Variants in UGGT2 observed in about 807,000 individuals in gnomAD.
UGGT2 encodes UDP-glucose glycoprotein glucosyltransferase 2.
In UGGT2, 180 loss-of-function variants were observed where a neutral mutation model predicts 192.1. The observed-to-expected ratio is 0.94, with a 90% CI of 0.83 to 1.06. The LOEUF (loss-of-function observed/expected upper bound fraction) is 1.06. Among genes scored for constraint, UGGT2 ranks in the 50% least tolerant of loss-of-function variants. UGGT2 has a pLI of 0.00. For synonymous variants in UGGT2, 580 were observed against 591.0 expected (o/e 0.98, Z 0.27); for missense variants, 1,849 against 1,795.7 (o/e 1.03, Z -0.54).
At chr13:95,937,158 G>C in intron 16 of UGGT2, 70 bp from the exon 17 acceptor site, 1 of 1,468,962 alleles carries the variant, frequency 6.8e-7, no homozygotes, top group Non-Finnish European at 9.1e-7. Context: ...TAAGAAAATG[G>C]AACACCGCCA....
At chr13:95,954,329 G>A (rs960603910) in intron 12 of UGGT2, among the ~76,000 whole-genome samples, 2 of 152,134 alleles carry the variant, frequency 1.3e-5, no homozygotes, top group South Asian at 4.1e-4. Context: ...GCATTCCAAA[G>A]TTAACCTGAA....
At chr13:95,917,181 T>A (rs2048706391) in intron 20 of UGGT2, among the ~76,000 whole-genome samples, 2 of 152,096 alleles carry the variant, frequency 1.3e-5, no homozygotes, top group Admixed American at 1.3e-4. Flanking sequence ...GGGAAGCCCA[T>A]CAGACTAACA....
At chr13:95,995,950 T>G in intron 7 of UGGT2, 113 bp downstream of exon 7, 3 of 873,378 alleles carry the variant, frequency 3.4e-6, no homozygotes, top group Non-Finnish European at 5.6e-6. Flanking sequence ...GTGTGTGTGT[T>G]TGTACTTTCT....
At chr13:95,886,666 A>G (rs985982251) in intron 26 of UGGT2, among the ~76,000 whole-genome samples, 1 of 152,242 alleles carries the variant, frequency 6.6e-6, no homozygotes, top group Non-Finnish European at 1.5e-5. Context: ...TTGAGGGACA[A>G]TGAATAAGTC....
intron 25 of UGGT2, among the ~76,000 whole-genome samples, chr13:95,890,341 A>T (rs569504780): frequency 1.2e-4 from 18 of 152,286 alleles, no homozygotes; most frequent in African/African-American, 4.1e-4. Flanking sequence ...TTATTTTCTC[A>T]TAGTTCTGGA....
At chr13:96,004,539 T>G (rs748167064) in intron 5 of UGGT2, among the ~76,000 whole-genome samples, 21 of 152,072 alleles carry the variant, frequency 1.4e-4, no homozygotes, top group Admixed American at 2.6e-4. Context: ...GGTTAATAAT[T>G]TATTGTTTTA....
intron 12 of UGGT2, among the ~76,000 whole-genome samples, chr13:95,962,426 TAACA>T (rs1178868147): frequency 2.0e-5 from 3 of 151,904 alleles, no homozygotes; most frequent in Non-Finnish European, 4.4e-5. Context: ...AACTATACAC[TAACA>T]AACTGGAAAC....
intron 5 of UGGT2, among the ~76,000 whole-genome samples, chr13:96,009,417 G>A (rs575722649): frequency 9.9e-4 from 151 of 152,328 alleles, no homozygotes; most frequent in African/African-American, 3.5e-3. Context: ...CCTACAGAAT[G>A]GGAGAAAATA....
At chr13:95,879,379 T>A (rs1236722111) in intron 27 of UGGT2, among the ~76,000 whole-genome samples, 1 of 152,182 alleles carries the variant, frequency 6.6e-6, no homozygotes, top group Admixed American at 6.5e-5. Context: ...TATTTTAAGT[T>A]TTCATAGAGG....
At chr13:95,958,155 ATT>A (rs879372795) in intron 12 of UGGT2, among the ~76,000 whole-genome samples, 199 of 145,710 alleles carry the variant, frequency 1.4e-3, no homozygotes, top group African/African-American at 4.5e-3. Flanking sequence ...AGAAGGCAGA[ATT>A]TTTTTTTTTT....
intron 15 of UGGT2, 88 bp from the exon 16 acceptor site, chr13:95,940,179 T>C: frequency 9.4e-7 from 1 of 1,069,448 alleles, no homozygotes; most frequent in South Asian, 2.0e-5. Context: ...GATTTTTATT[T>C]TGTAAGTTCA....
intron 1 of UGGT2, among the ~76,000 whole-genome samples, chr13:96,052,738 T>G (rs962957826): frequency 6.6e-6 from 1 of 152,212 alleles, no homozygotes; most frequent in Non-Finnish European, 1.5e-5. Context: ...AATATTACCT[T>G]GCAGGAAGCT....
rs144583352 is a variant in UGGT2 at position 95,951,995 on chromosome 13, T to C, written c.1336-2541A>G. Among the ~76,000 whole-genome samples, 349 of 151,632 alleles carry C rather than the reference T, an allele frequency of 2.3e-3. 5 individuals carry two copies. The highest frequency in any genetic ancestry group is 8.0e-3 in the African/African-American group (330 of 41,316). On this transcript the variant is annotated intron_variant, in intron 12 of 38. Transcript: ENST00000376747. ...ATCGCTTGAACCCAGGAGGCAGAGG[T>C]TGTGGTAAGCTGAGATTGCACCACT...
At chr13:95,943,234 C>A (rs2049751957) in intron 15 of UGGT2, among the ~76,000 whole-genome samples, 3 of 151,976 alleles carry the variant, frequency 2.0e-5, no homozygotes, top group Non-Finnish European at 1.5e-5. Context: ...ACAAAAATCC[C>A]CAAAATTCCA....
At position 95,925,722 on chromosome 13, in the gene UGGT2, C is replaced by A; in HGVS notation, c.2253G>T (p.Lys751Asn). 6.3e-7 allele frequency: 1 copy of A among 1,580,132 alleles called. No homozygotes were observed. Among genetic ancestry groups the A allele is most frequent in the Non-Finnish European group, 8.6e-7 (1 of 1,159,916 alleles). Residue 751 changes from lysine (K) to asparagine (N), a missense_variant, in exon 20 of 39, where the codon AAG becomes AAT. Transcript: ENST00000376747. ...TAAAAAGAAGTTTTCTCCCAGAAGG[C>A]TTATCAAAATCTGCAATAATCCAGA... Reference protein sequence around the residue: ...VTLWIIADFDKPSGRKLLFNA... With the variant: ...VTLWIIADFDNPSGRKLLFNA...
At chr13:95,980,648 G>C (rs1316603520) in intron 10 of UGGT2, among the ~76,000 whole-genome samples, 2 of 152,154 alleles carry the variant, frequency 1.3e-5, no homozygotes, top group Non-Finnish European at 2.9e-5. Context: ...GGTTTGGCTT[G>C]GTTTTTAACT....
At position 96,031,984 on chromosome 13, in the gene UGGT2, T is replaced by C. The variant is rs1160257804; in HGVS notation, c.159-13A>G. 6 of 1,583,962 alleles carry C rather than the reference T, an allele frequency of 3.8e-6. No homozygotes were observed. Among genetic ancestry groups the C allele is most frequent in the Middle Eastern group, 1.7e-4 (1 of 5,998 alleles). On this transcript the variant is annotated splice_polypyrimidine_tract_variant and intron_variant, in intron 1 of 38. Transcript: ENST00000376747. ...TGCCATAAATTCACTATTAAAAAAA[T>C]AGAAGTAATCGGTTAGTAGATGGAA...
chr13:96,034,861 A>G (rs1000540390), intron 1 of UGGT2, among the ~76,000 whole-genome samples: 2 of 152,186 alleles, frequency 1.3e-5, no homozygotes, highest in South Asian at 2.1e-4. Context: ...GCCGCCCTGC[A>G]CCTGGCTCCC....
intron 12 of UGGT2, among the ~76,000 whole-genome samples, chr13:95,958,723 AG>A (rs911177732): frequency 6.6e-6 from 1 of 151,998 alleles, no homozygotes; most frequent in Non-Finnish European, 1.5e-5. Context: ...CGTCTAAGGG[AG>A]CACACTGGAA....
Sources: gnomAD v4.1 joint callset for allele counts (sites outside exome capture counted in the v4.1 genomes callset) on GRCh38, gnomAD v4.1.1 for gene constraint, MANE v1.5 for transcripts, NCBI Gene and HGNC (gene_info 2026-07-23, HGNC 2026-07-21) for gene names.